The following FUT8 variants were observed in gnomAD, a reference collection of about 807,000 sequenced individuals.
FUT8 encodes alpha-(1,6)-fucosyltransferase.
A neutral mutation model predicts 71.3 loss-of-function variants in FUT8; 29 were observed. The ratio of observed to expected loss-of-function variants is 0.41; its 90% CI spans 0.30 to 0.55. The LOEUF is 0.55. FUT8 is among the 20% of genes least tolerant of loss of function. FUT8 has a pLI of 0.34. For missense variants in FUT8, 544 were observed against 702.1 expected (o/e 0.77, Z 2.55); for synonymous variants, 254 against 239.3 (o/e 1.06, Z -0.57).
chr14:65,686,745 ATC>A lies in FUT8; in HGVS notation c.835+17267_835+17268del, dbSNP rs1441194115. Among the ~76,000 whole-genome samples, 6 of 152,312 alleles carry A rather than the reference ATC, an allele frequency of 3.9e-5. No individual in the cohort carries two copies. In the East Asian group the frequency reaches 1.2e-3, roughly 29 times the overall value. Reference sequence around the variant, plus strand: ...TTTTTTAAGAGGGCAAATTTTATGTATCTGTTTACCATGAAAGAGAACTTAAG... The same window carrying A: ...TTTTTTAAGAGGGCAAATTTTATGTATGTTTACCATGAAAGAGAACTTAAG... On this transcript the variant is annotated intron_variant, in intron 7 of 10. Coordinates refer to ENST00000673929, the MANE Select transcript of FUT8 (RefSeq NM_001371533.1).
intron 10 of FUT8, among the ~76,000 whole-genome samples, chr14:65,734,243 T>G (rs1170045245): frequency 6.6e-6 from 1 of 152,002 alleles, no homozygotes; most frequent in Non-Finnish European, 1.5e-5. Context: ...ATAAGATAAA[T>G]GTATGCTTAA....
chr14:65,707,831 G>A (rs1894625109), intron 7 of FUT8, among the ~76,000 whole-genome samples: 1 of 152,138 alleles, frequency 6.6e-6, no homozygotes, highest in African/African-American at 2.4e-5. Context: ...TGGTCGATAT[G>A]TCTGTTTTTA....
chr14:65,455,837 C>T, intron 2 of FUT8, 119 bp downstream of exon 2: 1 of 392,672 alleles, frequency 2.5e-6, no homozygotes, highest in East Asian at 3.6e-5. Context: ...AAGGCCAAGT[C>T]AGTCTAAACT....
intron 5 of FUT8, among the ~76,000 whole-genome samples, chr14:65,624,622 A>G (rs1040152353): frequency 2.0e-5 from 3 of 152,210 alleles, no homozygotes; most frequent in African/African-American, 7.2e-5. Flanking sequence ...TTGTTTCTGT[A>G]TCTGTTCCTG....
intron 3 of FUT8, among the ~76,000 whole-genome samples, chr14:65,570,893 T>A (rs1304783288): frequency 3.3e-5 from 5 of 152,050 alleles, no homozygotes; most frequent in Non-Finnish European, 5.9e-5. Context: ...TCTTGCCCAA[T>A]CCCAGCAGCC....
At chr14:65,644,845 T>C (rs1199137168) in intron 6 of FUT8, among the ~76,000 whole-genome samples, 1 of 152,158 alleles carries the variant, frequency 6.6e-6, no homozygotes, top group Non-Finnish European at 1.5e-5. Flanking sequence ...CATGGATAAC[T>C]CATATGTGAA....
At chr14:65,371,209 T>C in the FUT8 span, among the ~76,000 whole-genome samples, 1 of 152,244 alleles carries the variant, frequency 6.6e-6, no homozygotes, top group Non-Finnish European at 1.5e-5. Context: ...TCTAGTCCCC[T>C]GCAAAACGAT....
the FUT8 span, among the ~76,000 whole-genome samples, chr14:65,396,791 TA>T: frequency 6.6e-6 from 1 of 152,242 alleles, no homozygotes; most frequent in Non-Finnish European, 1.5e-5. The surrounding 1 kb of genome is among the most constrained non-coding windows in gnomAD (Gnocchi z 5.5). Flanking sequence ...CCTCTAATAT[TA>T]ATTAACATTA....
At chr14:65,445,028 A>G (rs1277845224) in intron 1 of FUT8, among the ~76,000 whole-genome samples, 2 of 152,034 alleles carry the variant, frequency 1.3e-5, no homozygotes, top group Non-Finnish European at 2.9e-5. Flanking sequence ...AGATGGTGAA[A>G]CCCTGTCTGT....
At chr14:65,474,043 G>T (rs2066190361) in intron 2 of FUT8, among the ~76,000 whole-genome samples, 1 of 152,072 alleles carries the variant, frequency 6.6e-6, no homozygotes, top group Non-Finnish European at 1.5e-5. Flanking sequence ...AGTAACTCAG[G>T]AATACAAAAC....
At chr14:65,422,820 A>C (rs2065318649) in intron 1 of FUT8, among the ~76,000 whole-genome samples, 1 of 151,566 alleles carries the variant, frequency 6.6e-6, no homozygotes, top group African/African-American at 2.4e-5. Context: ...AGCTAATTAA[A>C]AAAATGTTTT....
intron 7 of FUT8, among the ~76,000 whole-genome samples, chr14:65,689,466 G>A (rs575963075): frequency 6.6e-6 from 1 of 152,256 alleles, no homozygotes; most frequent in South Asian, 2.1e-4. Context: ...TTGGATATAA[G>A]TTCTTTCATC....
intron 1 of FUT8, among the ~76,000 whole-genome samples, chr14:65,414,232 C>A (rs781542954): frequency 2.6e-5 from 4 of 152,152 alleles, no homozygotes; most frequent in Non-Finnish European, 5.9e-5. Flanking sequence ...ACTGACTTAA[C>A]TGGCTTGCCT....
At chr14:65,685,166 A>G (rs1427370528) in intron 7 of FUT8, among the ~76,000 whole-genome samples, 1 of 152,172 alleles carries the variant, frequency 6.6e-6, no homozygotes, top group Non-Finnish European at 1.5e-5. Flanking sequence ...CAAACAAACG[A>G]ACAAACTTAT....
intron 2 of FUT8, among the ~76,000 whole-genome samples, chr14:65,462,977 T>G (rs1309736009): frequency 1.3e-5 from 2 of 152,190 alleles, no homozygotes; most frequent in African/African-American, 4.8e-5. Flanking sequence ...ATGTAGCCCT[T>G]CCATCACACA....
intron 1 of FUT8, among the ~76,000 whole-genome samples, chr14:65,419,469 A>AT (rs1423438740): frequency 6.6e-6 from 1 of 152,226 alleles, no homozygotes; most frequent in Admixed American, 6.5e-5. Context: ...GTCTTTGATA[A>AT]TTAGGGCCTA....
intron 3 of FUT8, among the ~76,000 whole-genome samples, chr14:65,613,475 G>A (rs146390742): frequency 7.9e-5 from 12 of 152,214 alleles, no homozygotes; most frequent in East Asian, 3.9e-4. Flanking sequence ...GAATGTATGC[G>A]TGCTCATAAA....
chr14:65,396,507 C>G, the FUT8 span, among the ~76,000 whole-genome samples: 1 of 152,204 alleles, frequency 6.6e-6, no homozygotes, highest in African/African-American at 2.4e-5. The surrounding 1 kb of genome is among the most constrained non-coding windows in gnomAD (Gnocchi z 5.5). Flanking sequence ...CATCAGATCT[C>G]ATGAGACTTC....
intron 7 of FUT8, 95 bp from the exon 8 acceptor site, chr14:65,721,680 C>G: frequency 8.4e-7 from 1 of 1,190,694 alleles, no homozygotes; most frequent in Non-Finnish European, 1.2e-6. Flanking sequence ...TTTAGAGTTG[C>G]TGTGAGGATG....
Sources: allele counts gnomAD v4.1 joint callset (sites outside exome capture counted in the v4.1 genomes callset), GRCh38; gene constraint gnomAD v4.1.1; non-coding constraint Gnocchi (gnomAD v3.1); transcripts MANE v1.5; gene names NCBI Gene and HGNC (gene_info 2026-07-23, HGNC 2026-07-21).